The following TFDP2 variants were observed in gnomAD, a reference collection of about 807,000 sequenced individuals.
The protein encoded by TFDP2 is transcription factor Dp-2, also known as transcription factor Dp-2 (E2F dimerization partner 2).
A neutral mutation model predicts 59.3 loss-of-function variants in TFDP2; 17 were observed. The ratio of observed to expected loss-of-function variants is 0.29; its 90% CI spans 0.20 to 0.43. The LOEUF is 0.43. Among genes scored for constraint, TFDP2 ranks in the 20% least tolerant of loss-of-function variants. TFDP2 has a pLI of 1.00. For synonymous variants in TFDP2, 180 were observed against 194.7 expected (o/e 0.92, Z 0.63); for missense variants, 391 against 528.8 (o/e 0.74, Z 2.56).
intron 9 of TFDP2, among the ~76,000 whole-genome samples, chr3:141,965,566 AG>A (rs1019622976): frequency 7.4e-5 from 9 of 121,540 alleles, no homozygotes; most frequent in African/African-American, 2.5e-4. Context: ...GGGGAGGGGA[AG>A]GGGAAGGGGA....
Position 141,944,927 on chromosome 3 carries a change from G to A in TFDP2, c.*7586C>T, listed in dbSNP as rs1935079811. ...ATCTAATAAAGGAAAGTCTACATTG[G>A]GCAAGTCAGATGTGGTGGTTGCATT... On this transcript the variant is annotated 3_prime_UTR_variant, in exon 13 of 13. Transcript: ENST00000489671. 1.3e-5 allele frequency: 2 copies of A among 152,108 alleles called. No individual in the cohort carries two copies. Among genetic ancestry groups the A allele is most frequent in the Non-Finnish European group, 2.9e-5 (2 of 68,044 alleles). 9.4% of individuals were successfully genotyped at this position (152,108 alleles called of 1,614,324 possible). A position where few individuals can be genotyped will look rare whatever the true frequency, so the allele number is the denominator to read the frequency against.
intron 9 of TFDP2, among the ~76,000 whole-genome samples, chr3:141,968,084 C>T (rs1407557670): frequency 6.6e-6 from 1 of 151,074 alleles, no homozygotes; most frequent in African/African-American, 2.4e-5. Context: ...GGGACAGGGA[C>T]AACAGAGAGG....
chr3:141,995,306 A>C, intron 4 of TFDP2, 165 bp from the exon 5 acceptor site: 1 of 466,118 alleles, frequency 2.1e-6, no homozygotes, highest in Admixed American at 4.2e-5. Flanking sequence ...ATTTACTTAT[A>C]TCCTAGGATC....
At chr3:142,070,062 C>G (rs347678) in intron 3 of TFDP2, among the ~76,000 whole-genome samples, 1 of 151,258 alleles carries the variant, frequency 6.6e-6, no homozygotes, top group South Asian at 2.1e-4. Context: ...TGTGCCACCA[C>G]GCCCAGCTAA....
chr3:141,976,852 T>A (rs1940710733), intron 7 of TFDP2, among the ~76,000 whole-genome samples: 2 of 148,230 alleles, frequency 1.3e-5, no homozygotes. Context: ...CCAAGGAAAA[T>A]CTCAATGTAA....
intron 3 of TFDP2, among the ~76,000 whole-genome samples, chr3:142,046,544 A>G (rs1947353522): frequency 6.6e-6 from 1 of 150,428 alleles, no homozygotes; most frequent in Non-Finnish European, 1.5e-5. Flanking sequence ...TGGGAGGGAG[A>G]AAAAGAGCCC....
intron 3 of TFDP2, among the ~76,000 whole-genome samples, chr3:142,057,978 A>G (rs979518242): frequency 2.0e-5 from 3 of 152,278 alleles, no homozygotes; most frequent in South Asian, 2.1e-4. Flanking sequence ...GTCCAGATAT[A>G]CCAGATGTCA....
intron 1 of TFDP2, among the ~76,000 whole-genome samples, chr3:142,114,921 T>G (rs1360953650): frequency 6.6e-6 from 1 of 152,168 alleles, no homozygotes; most frequent in Non-Finnish European, 1.5e-5. Context: ...CATTATTCTG[T>G]TACTGCCAGT....
chr3:142,037,544 T>C (rs1470744670), intron 3 of TFDP2, among the ~76,000 whole-genome samples: 2 of 152,170 alleles, frequency 1.3e-5, no homozygotes, highest in Non-Finnish European at 2.9e-5. Flanking sequence ...AAAACAGAAC[T>C]GTGCAAAGGC....
At chr3:142,053,942 C>T (rs1255562531) in intron 3 of TFDP2, among the ~76,000 whole-genome samples, 2 of 152,084 alleles carry the variant, frequency 1.3e-5, no homozygotes, top group African/African-American at 2.4e-5. Flanking sequence ...CACTGAGCAC[C>T]AAACTCACTT....
intron 3 of TFDP2, among the ~76,000 whole-genome samples, chr3:142,018,347 C>A (rs540695943): frequency 6.6e-6 from 1 of 152,318 alleles, no homozygotes; most frequent in African/African-American, 2.4e-5. Context: ...ACATATACTA[C>A]TGCAATGACT....
chr3:141,970,678 A>C (rs1207342368), intron 8 of TFDP2, among the ~76,000 whole-genome samples: 1 of 152,214 alleles, frequency 6.6e-6, no homozygotes, highest in Non-Finnish European at 1.5e-5. Flanking sequence ...ACTTTGTTAT[A>C]TTACTCCTCT....
At chr3:142,033,446 G>A (rs557859973) in intron 3 of TFDP2, among the ~76,000 whole-genome samples, 4 of 152,036 alleles carry the variant, frequency 2.6e-5, no homozygotes, top group East Asian at 1.9e-4. Flanking sequence ...CTGTGTTAAC[G>A]TTATCTTCTA....
At chr3:142,042,852 G>A (rs1482935239) in intron 3 of TFDP2, among the ~76,000 whole-genome samples, 2 of 146,306 alleles carry the variant, frequency 1.4e-5, no homozygotes, top group Admixed American at 1.4e-4. Context: ...CAATTCTCCT[G>A]CCGCAGCCTC....
intron 4 of TFDP2, chr3:142,000,227 C>T (rs770289804): frequency 8.4e-5 from 59 of 699,016 alleles, no homozygotes; most frequent in Non-Finnish European, 1.2e-4. Flanking sequence ...GGGTAATTTA[C>T]AAACCACAGA....
At chr3:141,973,103 A>G (rs1368706941) in intron 8 of TFDP2, among the ~76,000 whole-genome samples, 5 of 106,232 alleles carry the variant, frequency 4.7e-5, no homozygotes, top group African/African-American at 1.5e-4. Context: ...GTATATATAT[A>G]TATATATATA....
At chr3:141,975,709 A>G (rs968911387) in intron 7 of TFDP2, among the ~76,000 whole-genome samples, 14 of 149,752 alleles carry the variant, frequency 9.3e-5, no homozygotes, top group Admixed American at 3.3e-4. Context: ...AAAAAAAAAA[A>G]AGAAATCTTG....
At chr3:142,063,968 T>C (rs2059997494) in intron 3 of TFDP2, among the ~76,000 whole-genome samples, 1 of 152,194 alleles carries the variant, frequency 6.6e-6, no homozygotes, top group African/African-American at 2.4e-5. Flanking sequence ...TTTTTTCTTG[T>C]TTTGAGACAG....
At chr3:141,958,049 A>G (rs1936911653) in intron 11 of TFDP2, among the ~76,000 whole-genome samples, 1 of 152,074 alleles carries the variant, frequency 6.6e-6, no homozygotes, top group Admixed American at 6.6e-5. Context: ...GAACACTTCT[A>G]CTCTGCTGGG....
Sources: gnomAD v4.1 joint callset for allele counts (sites outside exome capture counted in the v4.1 genomes callset) on GRCh38, gnomAD v4.1.1 for gene constraint, MANE v1.5 for transcripts, NCBI Gene and HGNC (gene_info 2026-07-23, HGNC 2026-07-21) for gene names.